ALDH1A1: variants seen among roughly 807,000 people sequenced by gnomAD.
The protein encoded by ALDH1A1 is aldehyde dehydrogenase 1 family member A1.
ALDH1A1 carries 19 observed loss-of-function variants against 62.1 expected under a neutral mutation model. That is an observed-to-expected ratio of 0.31 (90% confidence interval 0.21 to 0.45). ALDH1A1 has a LOEUF of 0.45. Among genes scored for constraint, ALDH1A1 ranks in the 20% least tolerant of loss-of-function variants. The pLI is 1.00. For missense variants in ALDH1A1, 521 were observed against 607.1 expected (o/e 0.86, Z 1.49); for synonymous variants, 231 against 215.9 (o/e 1.07, Z -0.61).
intron 7 of ALDH1A1, among the ~76,000 whole-genome samples, chr9:72,919,399 C>T (rs1696967969): frequency 6.6e-6 from 1 of 152,152 alleles, no homozygotes; most frequent in South Asian, 2.1e-4. Flanking sequence ...CCAACCTGGA[C>T]TGCCTTCAAG....
intron 2 of ALDH1A1, among the ~76,000 whole-genome samples, chr9:72,933,592 CAAAAAAAAAA>C (rs60011646): frequency 1.1e-3 from 126 of 111,730 alleles, no homozygotes; most frequent in Middle Eastern, 5.4e-3. Flanking sequence ...CATCTCAAAA[CAAAAAAAAAA>C]AAAAAAAAAA....
chr9:72,941,893 C>T lies in ALDH1A1; in HGVS notation c.67-1641G>A, dbSNP rs549974477. ...TACTAGCCTGAAATTGATGGTAAAA[C>T]ACATGGGCATGCCTAAATAAAGGGA... is the stretch of plus-strand genomic sequence containing the variant. On this transcript the variant is annotated intron_variant, in intron 1 of 12. Coordinates refer to ENST00000297785, the MANE Select transcript of ALDH1A1 (RefSeq NM_000689.5). 7.9e-5 allele frequency among the ~76,000 whole-genome samples: 12 copies of T among 152,144 alleles called. No homozygotes were observed. In the South Asian group the frequency reaches 1.0e-3, roughly 13 times the overall value.
chr9:72,948,291 C>T (rs925994295), intron 1 of ALDH1A1, among the ~76,000 whole-genome samples: 4 of 151,896 alleles, frequency 2.6e-5, no homozygotes, highest in Non-Finnish European at 5.9e-5. Context: ...AAAACATTTC[C>T]CAAGTGAAAG....
intron 12 of ALDH1A1, among the ~76,000 whole-genome samples, chr9:72,901,591 G>T (rs904971196): frequency 3.9e-5 from 6 of 151,990 alleles, no homozygotes; most frequent in African/African-American, 1.4e-4. Context: ...AACTGCAGAT[G>T]CAACAAGATC....
At chr9:72,929,135 T>C in intron 3 of ALDH1A1, 114 bp from the exon 4 acceptor site, 2 of 1,165,916 alleles carry the variant, frequency 1.7e-6, no homozygotes, top group Non-Finnish European at 2.4e-6. Context: ...GAAGAAATCT[T>C]GTCATCTTGT....
In ALDH1A1 at chr9:72,953,046, G is replaced by A. The variant is rs370173055; in HGVS notation, c.-46C>T. 83 of 1,601,226 alleles carry A rather than the reference G, an allele frequency of 5.2e-5. No homozygotes were observed. The African/African-American group carries it at 1.1e-3, about 21-fold the overall frequency. ...CACAGGTGACTGGCTCAGCAATTTG[G>A]TTCTGATAGAGCACTTGGCTTTATT... is the stretch of plus-strand genomic sequence containing the variant. On this transcript the variant is annotated 5_prime_UTR_variant, in exon 1 of 13. Coordinates refer to ENST00000297785, the MANE Select transcript of ALDH1A1 (RefSeq NM_000689.5).
rs8187881 is a variant in ALDH1A1 at position 72,947,161 on chromosome 9, G to C, written c.66+5774C>G. Among the ~76,000 whole-genome samples, 1,337 of 152,030 alleles carry C rather than the reference G, an allele frequency of 8.8e-3. 17 individuals are homozygous for C. Among genetic ancestry groups the C allele is most frequent in the African/African-American group, 0.03 (1,264 of 41,504 alleles). Reference sequence around the variant, plus strand: ...CCAAGACAGCAGTCCTCAGAGATGAGCATTCTAAATATTAGTAAATGATTA... The same window carrying C: ...CCAAGACAGCAGTCCTCAGAGATGACCATTCTAAATATTAGTAAATGATTA... On this transcript the variant is annotated intron_variant, in intron 1 of 12. Coordinates refer to ENST00000297785, the MANE Select transcript of ALDH1A1 (RefSeq NM_000689.5).
At chr9:72,931,344 T>G (rs1830279914) in intron 2 of ALDH1A1, among the ~76,000 whole-genome samples, 1 of 152,212 alleles carries the variant, frequency 6.6e-6, no homozygotes, top group African/African-American at 2.4e-5. Context: ...ATTAGCTCAT[T>G]TAATTCTCAT....
chr9:72,902,483 T>C (rs1164081801), intron 12 of ALDH1A1, among the ~76,000 whole-genome samples: 2 of 152,066 alleles, frequency 1.3e-5, no homozygotes, highest in African/African-American at 2.4e-5. Context: ...TGAAAATACC[T>C]TTTAAAAGCT....
chr9:72,926,916 C>T (rs1346672773), intron 5 of ALDH1A1, 200 bp downstream of exon 5: 20 of 470,732 alleles, frequency 4.2e-5, no homozygotes, highest in Non-Finnish European at 7.3e-5. Flanking sequence ...AGAGATATGC[C>T]AGAATATAGA....
Position 72,928,912 on chromosome 9 carries a change from T to C in ALDH1A1, c.422A>G (p.Gln141Arg), listed in dbSNP as rs1245217263. 2 of 1,613,952 alleles carry C rather than the reference T, an allele frequency of 1.2e-6. No homozygotes were observed. The highest frequency in any genetic ancestry group is 2.2e-5 in the South Asian group (2 of 91,078). ...RYCAGWADKI[Q>R]GRTIPIDGNF... ...CTTACCAATTGGTATTGTACGGCCC[T>C]GGATCTTGTCAGCCCAACCTGCACA... Residue 141 changes from glutamine (Q) to arginine (R), a missense_variant, in exon 4 of 13, where the codon CAG (glutamine) becomes CGG (arginine). Coordinates refer to ENST00000297785, the MANE Select transcript of ALDH1A1 (RefSeq NM_000689.5).
At chr9:72,951,068 G>T (rs1348156104) in intron 1 of ALDH1A1, among the ~76,000 whole-genome samples, 5 of 151,954 alleles carry the variant, frequency 3.3e-5, no homozygotes, top group Non-Finnish European at 7.4e-5. Context: ...TTATATAGAA[G>T]ATGCACGAGA....
intron 9 of ALDH1A1, among the ~76,000 whole-genome samples, chr9:72,915,090 T>C (rs1005523934): frequency 2.6e-5 from 4 of 152,200 alleles, no homozygotes; most frequent in African/African-American, 7.2e-5. Context: ...TCAATGGAAC[T>C]TGTGATAAAA....
chr9:72,929,950 A>G (rs995796531), intron 3 of ALDH1A1, among the ~76,000 whole-genome samples: 4 of 152,194 alleles, frequency 2.6e-5, no homozygotes, highest in Non-Finnish European at 5.9e-5. Context: ...GTTTTATTGC[A>G]CATAGCTGCT....
chr9:72,917,845 A>G (rs1012568646), intron 8 of ALDH1A1, among the ~76,000 whole-genome samples: 4 of 152,350 alleles, frequency 2.6e-5, no homozygotes, highest in African/African-American at 9.6e-5. Context: ...ATTCAATGTT[A>G]TAGCAACTGG....
intron 1 of ALDH1A1, among the ~76,000 whole-genome samples, chr9:72,948,476 A>G (rs765153969): frequency 4.0e-5 from 6 of 151,814 alleles, no homozygotes; most frequent in Non-Finnish European, 8.8e-5. Flanking sequence ...GCCTTTGGAT[A>G]GTTCTTTGAG....
At chr9:72,950,084 A>G (rs1830526023) in intron 1 of ALDH1A1, among the ~76,000 whole-genome samples, 1 of 151,808 alleles carries the variant, frequency 6.6e-6, no homozygotes, top group Admixed American at 6.6e-5. Flanking sequence ...GTTGGGTAAA[A>G]GGGAATATTC....
At chr9:72,949,387 A>G (rs1830510900) in intron 1 of ALDH1A1, among the ~76,000 whole-genome samples, 1 of 151,856 alleles carries the variant, frequency 6.6e-6, no homozygotes, top group Non-Finnish European at 1.5e-5. Context: ...TCAGTGTCCC[A>G]GAGTAGTGGA....
chr9:72,923,417 A>T (rs1830166019), intron 7 of ALDH1A1, among the ~76,000 whole-genome samples: 1 of 152,186 alleles, frequency 6.6e-6, no homozygotes. Context: ...ATAGAACATC[A>T]TCAATAAATG....
Sources: allele counts gnomAD v4.1 joint callset (sites outside exome capture counted in the v4.1 genomes callset), GRCh38; gene constraint gnomAD v4.1.1; transcripts MANE v1.5; gene names NCBI Gene and HGNC (gene_info 2026-07-23, HGNC 2026-07-21).